VIRMA: variants seen among roughly 807,000 people sequenced by gnomAD.
The protein encoded by VIRMA is protein virilizer homolog.
VIRMA carries 65 observed loss-of-function variants against 182.4 expected under a neutral mutation model. The ratio of observed to expected loss-of-function variants is 0.36; its 90% CI spans 0.29 to 0.44. The LOEUF (loss-of-function observed/expected upper bound fraction) is 0.44, where lower values mean the gene tolerates loss of function less well. Ranked by LOEUF, VIRMA falls within the 20% of genes least tolerant of loss-of-function variation. The probability of loss-of-function intolerance (pLI) is 1.00; values close to 1 mark genes in which losing one functional copy is unlikely to be tolerated. For missense variants in VIRMA, 1,752 were observed against 2,158.1 expected, an observed-to-expected ratio of 0.81 and a Z score of 3.73; for synonymous variants, 709 against 743.1, an observed-to-expected ratio of 0.95 and a Z score of 0.75.
In VIRMA at chr8:94,496,503, A is replaced by T. The variant is rs757215885; in HGVS notation, c.4231-23T>A. 4 of 1,592,466 alleles carry T rather than the reference A, an allele frequency of 2.5e-6. No individual in the cohort carries two copies. In the South Asian group the frequency reaches 3.5e-5, roughly 14 times the overall value. ...TCCCTGTAAATGTCACACATAAGTT[A>T]AATTTGAGAACAGAGAAATTTACAA... is the stretch of plus-strand genomic sequence containing the variant. On this transcript the variant is annotated intron_variant, in intron 17 of 23. Coordinates refer to ENST00000297591, the MANE Select transcript of VIRMA (RefSeq NM_015496.5).
At position 94,526,432 on chromosome 8, in the gene VIRMA, C is replaced by T. The variant is rs1814969309; in HGVS notation, c.1812G>A (p.Glu604=). The T allele has an allele frequency of 6.2e-7, 1 of 1,613,866 alleles. No individual in the cohort carries two copies. Among genetic ancestry groups the T allele is most frequent in the Admixed American group, 1.7e-5 (1 of 59,944 alleles). The stretch of plus-strand genomic sequence containing the variant: ...GATCCATATCCATAGAAGCTTCCAC[C>T]TCATTTTCATATTCTGGGTTTGTTC... ...LERTNPEYEN[E]VEASMDMDLL... Residue 604 remains glutamate, a synonymous_variant, in exon 8 of 24, where the codon GAG becomes GAA. Coordinates refer to ENST00000297591, the MANE Select transcript of VIRMA (RefSeq NM_015496.5).
At chr8:94,550,094 C>CT (rs1212815169) in intron 1 of VIRMA, among the ~76,000 whole-genome samples, 15 of 132,478 alleles carry the variant, frequency 1.1e-4, no homozygotes, top group Non-Finnish European at 2.0e-4. Flanking sequence ...AAGACCTAGT[C>CT]TTAAAAAAAA....
intron 2 of VIRMA, among the ~76,000 whole-genome samples, chr8:94,539,624 A>T (rs1264635575): frequency 6.6e-6 from 1 of 152,192 alleles, no homozygotes; most frequent in East Asian, 1.9e-4. Context: ...TAGAAGCACA[A>T]ACAGGCATCA....
chr8:94,543,535 C>T (rs1180547487), intron 2 of VIRMA, among the ~76,000 whole-genome samples: 1 of 150,696 alleles, frequency 6.6e-6, no homozygotes. Context: ...TACCTGGTTA[C>T]ACCACCCCAG....
chr8:94,496,576 T>C (rs28563951), intron 17 of VIRMA, 96 bp from the exon 18 acceptor site: 41,564 of 959,720 alleles, frequency 0.043, 1,058 homozygotes, highest in Non-Finnish European at 0.049. Flanking sequence ...TGCTGCAATC[T>C]TTCCTTCAAT....
intron 5 of VIRMA, among the ~76,000 whole-genome samples, 200 bp from the exon 6 acceptor site, chr8:94,531,285 C>T (rs909355914): frequency 3.9e-5 from 6 of 152,128 alleles, no homozygotes; most frequent in Non-Finnish European, 5.9e-5. Flanking sequence ...TCGGGGCCAA[C>T]GTCAGGACTT....
chr8:94,489,897 A>C, intron 23 of VIRMA, 42 bp downstream of exon 23: 1 of 1,595,692 alleles, frequency 6.3e-7, no homozygotes, highest in South Asian at 1.1e-5. Flanking sequence ...GGAGGAATTT[A>C]CTTCCCTTCT....
rs780265229 is a variant in VIRMA at position 94,511,285 on chromosome 8, T to G, written c.3290A>C (p.Glu1097Ala). 11 of 1,614,000 alleles carry G rather than the reference T, an allele frequency of 6.8e-6. No homozygotes were observed. In the South Asian group the frequency reaches 1.2e-4, roughly 18 times the overall value. ...ANNTWSLMLK[E>A]VLSSILKVPE... is the part of the protein sequence containing the mutation. Reference sequence around the variant, plus strand: ...AACCTTCAAGATTGAAGAAAGAACTTCTTTTAACATTAAAGACCAAGTATT... The same window carrying G: ...AACCTTCAAGATTGAAGAAAGAACTGCTTTTAACATTAAAGACCAAGTATT... The change falls in exon 13 of 24, where the codon GAA becomes GCA. Residue 1097 changes from glutamate (E) to alanine (A), a missense_variant. By Grantham distance (107) the Glu-to-Ala change is moderately radical. Coordinates refer to ENST00000297591, the MANE Select transcript of VIRMA (RefSeq NM_015496.5).
chr8:94,517,454 T>C (rs1814600250), intron 10 of VIRMA, among the ~76,000 whole-genome samples: 1 of 152,204 alleles, frequency 6.6e-6, no homozygotes, highest in African/African-American at 2.4e-5. Flanking sequence ...CCACCCGCCT[T>C]GGCCTCCCAA....
intron 14 of VIRMA, 117 bp downstream of exon 14, chr8:94,510,297 ATAT>A: frequency 1.5e-6 from 1 of 686,276 alleles, no homozygotes; most frequent in Non-Finnish European, 2.5e-6. Context: ...GTATATGTGT[ATAT>A]TTACATGTAT....
At chr8:94,552,413 T>C (rs748022275) in intron 1 of VIRMA, among the ~76,000 whole-genome samples, 197 of 152,290 alleles carry the variant, frequency 1.3e-3, no homozygotes, top group Non-Finnish European at 2.2e-3. Flanking sequence ...TCCTAGGCAC[T>C]GGAGATACAG....
chr8:94,519,040 T>C lies in VIRMA; in HGVS notation c.2458A>G (p.Lys820Glu), dbSNP rs1814659069. Residue 820 changes from lysine to glutamate, a missense_variant, in exon 9 of 24, where the codon AAA becomes GAA. Physicochemically the swap from Lys to Glu is moderately conservative, Grantham distance 56. This residue lies in a region of VIRMA where 777 missense variants were observed against 920.6 expected (regional missense o/e 0.84). Transcript: ENST00000297591. ...SAVGHVFSLEKNLQSLITLME... is the reference protein window; with the variant it reads ...SAVGHVFSLEENLQSLITLME... ...AGAGTAATAAGACTTTGGAGATTTT[T>C]CTCCAGACTAAAAACATGGCCAACA... 1 of 1,613,744 alleles carries C rather than the reference T, an allele frequency of 6.2e-7. No individual in the cohort carries two copies. The highest frequency in any genetic ancestry group is 1.7e-5 in the Admixed American group (1 of 59,994).
intron 17 of VIRMA, 161 bp from the exon 18 acceptor site, chr8:94,496,641 T>A (rs1813788716): frequency 2.0e-6 from 1 of 506,730 alleles, no homozygotes; most frequent in Admixed American, 3.9e-5. Flanking sequence ...AGATGAAAGG[T>A]GAAGTATGTT....
chr8:94,505,481 CTTTTT>C (rs140484297), intron 16 of VIRMA, among the ~76,000 whole-genome samples: 2 of 150,328 alleles, frequency 1.3e-5, no homozygotes, highest in Admixed American at 1.3e-4. Flanking sequence ...ATTTCTTTTT[CTTTTT>C]TTTTGAGACA....
chr8:94,510,850 G>T, intron 13 of VIRMA, 198 bp from the exon 14 acceptor site: 1 of 793,322 alleles, frequency 1.3e-6, no homozygotes, highest in Non-Finnish European at 1.9e-6. Flanking sequence ...TTAGCAGTTA[G>T]TTGAGCAGAG....
At chr8:94,533,386 C>T (rs1162060685) in intron 5 of VIRMA, among the ~76,000 whole-genome samples, 2 of 152,172 alleles carry the variant, frequency 1.3e-5, no homozygotes, top group Admixed American at 6.5e-5. Context: ...TCCTTAGTGA[C>T]TTTAATTACA....
At position 94,535,107 on chromosome 8, in the gene VIRMA, T is replaced by G. The variant is rs573393423; in HGVS notation, c.316-100A>C. On this transcript the variant is annotated intron_variant, in intron 4 of 23. Transcript: ENST00000297591. ...TAGATTGTGGTTCAACTAAAGTCTT[T>G]AAAAGTATGCTGAAAATGCAAAGTC... The G allele has an allele frequency of 1.5e-5, 22 of 1,482,398 alleles. No individual in the cohort carries two copies. In the South Asian group the frequency reaches 2.7e-4, roughly 18 times the overall value. The allele number at this position is 1,482,398 out of a possible 1,614,324, so 91.8% of individuals were successfully genotyped here.
In VIRMA at chr8:94,510,461, C is replaced by G; in HGVS notation, c.3582G>C (p.Leu1194=). ...LCDLASPTAL[L]IMRTVLDLIV... ...TCAAATCCAACACAGTTCTCATAAT[C>G]AGAAGTGCAGTTGGTGAGGCAAGGT... The change falls in exon 14 of 24, where the codon CTG becomes CTC. Residue 1194 remains leucine (L), a synonymous_variant. Transcript: ENST00000297591. 2 of 1,614,058 alleles carry G rather than the reference C, an allele frequency of 1.2e-6. No individual in the cohort carries two copies. Among genetic ancestry groups the G allele is most frequent in the Non-Finnish European group, 1.7e-6 (2 of 1,179,976 alleles).
At chr8:94,535,750 C>A (rs574973927) in intron 4 of VIRMA, among the ~76,000 whole-genome samples, 1 of 150,688 alleles carries the variant, frequency 6.6e-6, no homozygotes, top group African/African-American at 2.4e-5. Flanking sequence ...ACTGCACACT[C>A]TAGCCTGGGC....
Sources: gnomAD v4.1 joint callset for allele counts (sites outside exome capture counted in the v4.1 genomes callset) on GRCh38, gnomAD v4.1.1 for gene constraint, gnomAD v4.1.1 regional missense constraint, MANE v1.5 for transcripts, NCBI Gene and HGNC (gene_info 2026-07-23, HGNC 2026-07-21) for gene names.